The following CD44 variants were observed in gnomAD, a reference collection of about 807,000 sequenced individuals.
The protein encoded by CD44 is CD44 molecule (IN blood group), also known as CD44 antigen.
A neutral mutation model predicts 88.8 loss-of-function variants in CD44; 49 were observed. The ratio of observed to expected loss-of-function variants is 0.55; its 90% CI spans 0.44 to 0.70. The LOEUF (loss-of-function observed/expected upper bound fraction) is 0.70, where lower values mean the gene tolerates loss of function less well. Ranked by LOEUF, CD44 falls within the 30% of genes least tolerant of loss-of-function variation. The pLI is 0.00. For synonymous variants in CD44, 325 were observed against 312.3 expected (o/e 1.04, Z -0.43); for missense variants, 883 against 913.8 (o/e 0.97, Z 0.43).
At chr11:35,150,060 T>C (rs1348088679) in intron 1 of CD44, among the ~76,000 whole-genome samples, 1 of 99,396 alleles carries the variant, frequency 1.0e-5, no homozygotes, top group Non-Finnish European at 1.9e-5. Flanking sequence ...GTACTCTTTA[T>C]ATTGTACTTT....
chr11:35,176,167 G>T (rs1382730386), intron 1 of CD44, among the ~76,000 whole-genome samples: 3 of 151,226 alleles, frequency 2.0e-5, no homozygotes, highest in Non-Finnish European at 4.4e-5. Flanking sequence ...CTCAGCCTCC[G>T]GAGCAGCTGG....
chr11:35,224,412 C>T (rs1383430444), intron 17 of CD44, among the ~76,000 whole-genome samples: 3 of 152,094 alleles, frequency 2.0e-5, no homozygotes, highest in Non-Finnish European at 4.4e-5. Flanking sequence ...ATAGATACTG[C>T]GTGAGGCTCC....
At chr11:35,214,963 A>T in intron 15 of CD44, 49 bp downstream of exon 15, 1 of 1,178,700 alleles carries the variant, frequency 8.5e-7, no homozygotes, top group Non-Finnish European at 1.2e-6. Context: ...CATTGAGCCT[A>T]ATGATGACTA....
intron 17 of CD44, among the ~76,000 whole-genome samples, chr11:35,226,093 T>G (rs1347716933): frequency 6.6e-6 from 1 of 152,230 alleles, no homozygotes; most frequent in Admixed American, 6.5e-5. Context: ...AATATTGGAA[T>G]GAGTTATTTA....
In CD44 at chr11:35,229,539, G is replaced by A. The variant is rs1313372761; in HGVS notation, c.*206G>A. 37 of 545,018 alleles carry A rather than the reference G, an allele frequency of 6.8e-5. No homozygotes were observed. The East Asian group carries it at 1.1e-3, about 16-fold the overall frequency. The allele number at this position is 545,018 out of a possible 1,614,324, so 33.8% of individuals were successfully genotyped here. ...AAACAGCATTGCTTTCTGAAATTAG[G>A]GCCCAATTAATAATCAGCAAGAATT... On this transcript the variant is annotated 3_prime_UTR_variant, in exon 18 of 18. Transcript: ENST00000428726.
intron 1 of CD44, among the ~76,000 whole-genome samples, chr11:35,164,779 T>C (rs1943073432): frequency 6.6e-6 from 1 of 152,214 alleles, no homozygotes; most frequent in South Asian, 2.1e-4. Context: ...AAGGGAAGAA[T>C]ACAAAAATGA....
intron 17 of CD44, chr11:35,222,294 T>G (rs1949364064): frequency 3.1e-6 from 2 of 652,248 alleles, no homozygotes; most frequent in Non-Finnish European, 5.0e-6. Context: ...TGTTTGTCGT[T>G]TGTTTTTTTA....
chr11:35,218,983 C>T (rs1362971807), intron 15 of CD44: 2 of 274,096 alleles, frequency 7.3e-6, no homozygotes, highest in Non-Finnish European at 1.4e-5. Flanking sequence ...GGTAGATTGA[C>T]CCAGCACACA....
intron 15 of CD44, among the ~76,000 whole-genome samples, chr11:35,216,257 T>G (rs1948822881): frequency 6.6e-6 from 1 of 152,062 alleles, no homozygotes; most frequent in Non-Finnish European, 1.5e-5. Context: ...TGAGGTAGGT[T>G]TACTAATTAC....
chr11:35,172,099 C>T (rs1408406142), intron 1 of CD44, among the ~76,000 whole-genome samples: 3 of 152,158 alleles, frequency 2.0e-5, no homozygotes, highest in Non-Finnish European at 4.4e-5. Context: ...AGTTAACAAA[C>T]AAAATGCCTT....
At chr11:35,147,881 G>A (rs1020681987) in intron 1 of CD44, among the ~76,000 whole-genome samples, 10 of 152,078 alleles carry the variant, frequency 6.6e-5, no homozygotes, top group African/African-American at 2.4e-4. Context: ...CTGAGGTCGG[G>A]AGTTCGAGAC....
chr11:35,197,362 C>T (rs914332660), intron 6 of CD44: 1 of 152,286 alleles, frequency 6.6e-6, no homozygotes, highest in African/African-American at 2.4e-5. Context: ...TGTAGAAAAC[C>T]CCTTTTTAGT....
intron 11 of CD44, among the ~76,000 whole-genome samples, chr11:35,207,512 T>C (rs1192420908): frequency 1.3e-5 from 2 of 152,242 alleles, no homozygotes; most frequent in African/African-American, 4.8e-5. Flanking sequence ...TGTTAAATTT[T>C]AAAGACCGCT....
At chr11:35,211,476 G>C (rs912129544) in intron 14 of CD44, 27 bp downstream of exon 14, 1 of 1,547,932 alleles carries the variant, frequency 6.5e-7, no homozygotes, top group Non-Finnish European at 8.9e-7. Context: ...TATCTAGTTT[G>C]CTTTCTCTAT....
chr11:35,220,678 C>T (rs891419114), intron 16 of CD44, among the ~76,000 whole-genome samples: 6 of 149,506 alleles, frequency 4.0e-5, no homozygotes, highest in Non-Finnish European at 5.9e-5. Context: ...TGAAAAAATA[C>T]AACTAAATAA....
chr11:35,226,637 G>C (rs987094910), intron 17 of CD44, among the ~76,000 whole-genome samples: 3 of 151,554 alleles, frequency 2.0e-5, no homozygotes, highest in African/African-American at 4.9e-5. Flanking sequence ...CCGCATAAGA[G>C]CAAGAATAAC....
chr11:35,219,272 A>G (rs758101187), intron 15 of CD44, 44 bp from the exon 16 acceptor site: 1 of 1,441,854 alleles, frequency 6.9e-7, no homozygotes, highest in East Asian at 2.3e-5. Flanking sequence ...ACTCATGGTT[A>G]CACATTTCAA....
rs143090019 is a variant in CD44 at position 35,229,365 on chromosome 11, C to A, written c.*32C>A. The A allele has an allele frequency of 4.1e-5, 59 of 1,425,670 alleles. No homozygotes were observed. The highest frequency in any genetic ancestry group is 2.4e-4 in the African/African-American group (17 of 71,022). 88.3% of individuals were successfully genotyped at this position (1,425,670 alleles called of 1,614,324 possible). A position where few individuals can be genotyped will look rare whatever the true frequency, so the allele number is the denominator to read the frequency against. ...CACCATTATCTTGGAAAGAAACAAC[C>A]GTTGGAAACATAACCATTACAGGGA... On this transcript the variant is annotated 3_prime_UTR_variant, in exon 18 of 18. Transcript: ENST00000428726.
At chr11:35,161,978 A>T (rs1942677165) in intron 1 of CD44, among the ~76,000 whole-genome samples, 1 of 152,102 alleles carries the variant, frequency 6.6e-6, no homozygotes, top group African/African-American at 2.4e-5. Context: ...ATTCTCTATT[A>T]TATTATCCTC....
Sources: allele counts gnomAD v4.1 joint callset (sites outside exome capture counted in the v4.1 genomes callset), GRCh38; gene constraint gnomAD v4.1.1; transcripts MANE v1.5; gene names NCBI Gene and HGNC (gene_info 2026-07-23, HGNC 2026-07-21).